The following MEGF9 variants were observed in gnomAD, a reference collection of about 807,000 sequenced individuals.
MEGF9 encodes the protein multiple epidermal growth factor-like domains protein 9.
In MEGF9, 6 loss-of-function variants were observed where a neutral mutation model predicts 46.8. The observed-to-expected ratio is 0.13, with a 90% confidence interval of 0.07 to 0.25. The LOEUF (loss-of-function observed/expected upper bound fraction) is 0.25, where lower values mean the gene tolerates loss of function less well. Ranked by LOEUF, MEGF9 falls within the 10% of genes least tolerant of loss-of-function variation. The pLI is 1.00. For synonymous variants in MEGF9, 302 were observed against 330.7 expected (o/e 0.91, Z 0.94); for missense variants, 683 against 792.4 (o/e 0.86, Z 1.66).
At chr9:120,613,285 T>C (rs2043457048) in intron 3 of MEGF9, among the ~76,000 whole-genome samples, 1 of 151,938 alleles carries the variant, frequency 6.6e-6, no homozygotes, top group African/African-American at 2.4e-5. Flanking sequence ...GATATAAACA[T>C]GAGGTAAAAA....
In MEGF9 at chr9:120,686,087, A is replaced by ATT. The variant is rs939309954; in HGVS notation, c.602-26514_602-26513dup. On this transcript the variant is annotated intron_variant, in intron 1 of 5. Transcript: ENST00000373930. ...GGAAGGGGAAAAGGGAGTTGAGGGA[A>ATT]TTTTTTTTTTTTTTTTTTTTGAGAT... Among the ~76,000 whole-genome samples the ATT allele has an allele frequency of 1.4e-3, 192 of 136,994 alleles. 2 individuals are homozygous for ATT. Among genetic ancestry groups the ATT allele is most frequent in the African/African-American group, 4.6e-3 (167 of 36,280 alleles). 89.9% of individuals were successfully genotyped at this position (136,994 alleles called of 152,430 possible).
chr9:120,629,756 A>C (rs2043542441), intron 2 of MEGF9, among the ~76,000 whole-genome samples: 1 of 152,088 alleles, frequency 6.6e-6, no homozygotes, highest in Non-Finnish European at 1.5e-5. Context: ...CAATATGGTG[A>C]AACCCGTCTC....
intron 1 of MEGF9, among the ~76,000 whole-genome samples, chr9:120,680,402 C>G (rs1342984055): frequency 6.6e-6 from 1 of 152,116 alleles, no homozygotes; most frequent in Non-Finnish European, 1.5e-5. Context: ...CCTTGTTGGT[C>G]CTGGATAAGA....
intron 2 of MEGF9, among the ~76,000 whole-genome samples, chr9:120,640,283 T>C (rs370791647): frequency 4.0e-4 from 61 of 152,324 alleles, no homozygotes; most frequent in Non-Finnish European, 6.3e-4. Context: ...GTTCTCTCTA[T>C]TGGCAATACT....
chr9:120,658,329 A>G (rs570927654), intron 2 of MEGF9, among the ~76,000 whole-genome samples: 3 of 152,336 alleles, frequency 2.0e-5, no homozygotes, highest in Admixed American at 1.3e-4. Context: ...ACAATATTCC[A>G]TAACAGTATA....
chr9:120,698,772 A>G (rs1398143534), intron 1 of MEGF9, among the ~76,000 whole-genome samples: 1 of 152,162 alleles, frequency 6.6e-6, no homozygotes, highest in African/African-American at 2.4e-5. Flanking sequence ...ATCCCCTCTC[A>G]ATAACACTAT....
At chr9:120,711,595 GC>G (rs1377264854) in intron 1 of MEGF9, among the ~76,000 whole-genome samples, 2 of 151,994 alleles carry the variant, frequency 1.3e-5, no homozygotes, top group Non-Finnish European at 2.9e-5. Context: ...ATATTTTTTT[GC>G]CAGTAGGGGT....
chr9:120,667,285 G>A (rs1382766791), intron 1 of MEGF9, among the ~76,000 whole-genome samples: 1 of 152,136 alleles, frequency 6.6e-6, no homozygotes, highest in Non-Finnish European at 1.5e-5. Context: ...GCTGATTATT[G>A]CATAAGGAGT....
chr9:120,639,577 CA>C (rs1445396495), intron 2 of MEGF9, among the ~76,000 whole-genome samples: 11 of 150,616 alleles, frequency 7.3e-5, no homozygotes, highest in Non-Finnish European at 1.5e-4. Context: ...AAATCCTGGC[CA>C]CTAGTCATAT....
At chr9:120,617,399 A>C (rs1038996266) in intron 3 of MEGF9, among the ~76,000 whole-genome samples, 3 of 152,190 alleles carry the variant, frequency 2.0e-5, no homozygotes, top group African/African-American at 7.2e-5. Flanking sequence ...TTGTTGTAGG[A>C]AGAAATGCCT....
At chr9:120,614,331 C>T (rs993889148) in intron 3 of MEGF9, among the ~76,000 whole-genome samples, 1 of 152,136 alleles carries the variant, frequency 6.6e-6, no homozygotes, top group African/African-American at 2.4e-5. Context: ...TTCCCCCAAA[C>T]TTCATAAATT....
chr9:120,666,211 A>G (rs1268960442), intron 1 of MEGF9, among the ~76,000 whole-genome samples: 1 of 152,184 alleles, frequency 6.6e-6, no homozygotes, highest in Non-Finnish European at 1.5e-5. Flanking sequence ...AAATACTGTT[A>G]TCTATTAAGA....
intron 1 of MEGF9, among the ~76,000 whole-genome samples, chr9:120,704,333 CAAA>C (rs200388073): frequency 1.6e-5 from 2 of 122,522 alleles, no homozygotes. Flanking sequence ...GACTGTGTCT[CAAA>C]AAAAAAAAAA....
chr9:120,653,963 C>T (rs1342411665), intron 2 of MEGF9, among the ~76,000 whole-genome samples: 4 of 152,100 alleles, frequency 2.6e-5, no homozygotes, highest in African/African-American at 4.8e-5. Flanking sequence ...GGCTGGTGCC[C>T]AGGAGTAGAA....
chr9:120,651,734 C>T (rs1374554825), intron 2 of MEGF9, among the ~76,000 whole-genome samples: 1 of 150,624 alleles, frequency 6.6e-6, no homozygotes, highest in Non-Finnish European at 1.5e-5. Context: ...CACACTGCAA[C>T]CTCCGCCTCC....
chr9:120,702,745 G>A (rs56684501), intron 1 of MEGF9, among the ~76,000 whole-genome samples: 1 of 152,124 alleles, frequency 6.6e-6, no homozygotes, highest in Non-Finnish European at 1.5e-5. Context: ...ATGTGGAGGT[G>A]AGAGGTGAGA....
chr9:120,658,309 A>G (rs2043686740), intron 2 of MEGF9, among the ~76,000 whole-genome samples: 2 of 152,312 alleles, frequency 1.3e-5, no homozygotes, highest in African/African-American at 4.8e-5. Flanking sequence ...TTAATAAACT[A>G]CAATATGATA....
At chr9:120,623,620 T>C (rs2043511444) in intron 2 of MEGF9, among the ~76,000 whole-genome samples, 1 of 152,166 alleles carries the variant, frequency 6.6e-6, no homozygotes, top group Admixed American at 6.5e-5. Context: ...TCTATGAATC[T>C]TAAGTAATTT....
At chr9:120,626,249 A>G (rs1309739121) in intron 2 of MEGF9, among the ~76,000 whole-genome samples, 1 of 152,206 alleles carries the variant, frequency 6.6e-6, no homozygotes, top group Non-Finnish European at 1.5e-5. Flanking sequence ...TTATATCAGA[A>G]AAAAAAGAAT....
Sources: allele counts gnomAD v4.1 joint callset (sites outside exome capture counted in the v4.1 genomes callset), GRCh38; gene constraint gnomAD v4.1.1; transcripts MANE v1.5; gene names NCBI Gene and HGNC (gene_info 2026-07-23, HGNC 2026-07-21).